Variants in PLSCR2 observed in about 807,000 individuals in gnomAD.
PLSCR2 encodes the protein phospholipid scramblase 2.
PLSCR2 carries 18 observed loss-of-function variants against 25.3 expected under a neutral mutation model. The ratio of observed to expected loss-of-function variants is 0.71; its 90% confidence interval spans 0.49 to 1.06. The LOEUF is 1.06. Ranked by LOEUF, PLSCR2 falls within the 50% of genes least tolerant of loss-of-function variation. The probability of loss-of-function intolerance (pLI) is 0.00; values close to 1 mark genes in which losing one functional copy is unlikely to be tolerated. For synonymous variants in PLSCR2, 88 were observed against 87.3 expected, an observed-to-expected ratio of 1.01 and a Z score of -0.04; for missense variants, 243 against 269.5, an observed-to-expected ratio of 0.90 and a Z score of 0.69.
chr3:146,425,632 A>G (rs2039317116), intron 2 of PLSCR2, among the ~76,000 whole-genome samples: 1 of 152,184 alleles, frequency 6.6e-6, no homozygotes, highest in African/African-American at 2.4e-5. Flanking sequence ...TAGAAAAAGT[A>G]TAGATGGCTT....
chr3:146,435,897 C>T (rs1157102190), intron 8 of PLSCR2, among the ~76,000 whole-genome samples: 26 of 152,092 alleles, frequency 1.7e-4, no homozygotes, highest in Admixed American at 3.3e-4. Flanking sequence ...AGGGTTTTTA[C>T]GGTTTTAGGT....
chr3:146,428,182 G>T (rs1252593455), intron 2 of PLSCR2, among the ~76,000 whole-genome samples: 1 of 152,182 alleles, frequency 6.6e-6, no homozygotes, highest in Non-Finnish European at 1.5e-5. Context: ...ATCTGAAAGA[G>T]AATTTATCTG....
At chr3:146,410,845 C>A (rs561360608) in intron 2 of PLSCR2, among the ~76,000 whole-genome samples, 1 of 152,168 alleles carries the variant, frequency 6.6e-6, no homozygotes, top group Non-Finnish European at 1.5e-5. Context: ...CCCACCTGGC[C>A]GCTCCCCCTG....
At chr3:146,459,712 G>A (rs913621735) in intron 2 of PLSCR2, 136 bp downstream of exon 2, 3 of 626,028 alleles carry the variant, frequency 4.8e-6, no homozygotes, top group African/African-American at 1.9e-5. Flanking sequence ...AACAGAATGT[G>A]CTGTTTACCA....
upstream of PLSCR2, among the ~76,000 whole-genome samples, chr3:146,462,125 T>C (rs1034649607): frequency 1.2e-4 from 18 of 152,100 alleles, no homozygotes; most frequent in African/African-American, 4.3e-4. Context: ...ATACAACTGT[T>C]GGAACAAGAT....
chr3:146,445,487 C>A (rs2040495627), intron 6 of PLSCR2, among the ~76,000 whole-genome samples: 1 of 152,028 alleles, frequency 6.6e-6, no homozygotes, highest in South Asian at 2.1e-4. Context: ...CCAAGCCACT[C>A]TCTTCTGACC....
chr3:146,457,587 C>T (rs190399068), intron 3 of PLSCR2, among the ~76,000 whole-genome samples: 40 of 152,274 alleles, frequency 2.6e-4, no homozygotes, highest in Non-Finnish European at 4.7e-4. Context: ...TGGGTTCATC[C>T]AAACTCCCAA....
chr3:146,475,433 A>T (rs1386754618), intron 1 of PLSCR2, among the ~76,000 whole-genome samples: 3 of 152,066 alleles, frequency 2.0e-5, no homozygotes, highest in African/African-American at 7.2e-5. Flanking sequence ...TTCAGGCCCT[A>T]TTCATCTTAC....
intron 2 of PLSCR2, among the ~76,000 whole-genome samples, chr3:146,425,742 T>C (rs1231536315): frequency 6.6e-6 from 1 of 152,118 alleles, no homozygotes; most frequent in Non-Finnish European, 1.5e-5. Context: ...TTTTAAATAA[T>C]ACATCATCAT....
At chr3:146,425,701 A>T (rs534743418) in intron 2 of PLSCR2, among the ~76,000 whole-genome samples, 7 of 152,170 alleles carry the variant, frequency 4.6e-5, no homozygotes, top group African/African-American at 1.7e-4. Flanking sequence ...ACTCAGAAGA[A>T]GTGAGGTTCA....
rs1186980145 is a variant in PLSCR2, at chr3:146,483,453, GTATA to G, written c.-293+12438_-293+12441del. 6.7e-4 allele frequency among the ~76,000 whole-genome samples: 22 copies of G among 32,686 alleles called. 1 individual carries two copies. The highest frequency in any genetic ancestry group is 2.0e-3 in the African/African-American group (14 of 7,160). 21.4% of individuals were successfully genotyped at this position (32,686 alleles called of 152,430 possible). A position where few individuals can be genotyped will look rare whatever the true frequency, so the allele number is the denominator to read the frequency against. On this transcript the variant is annotated intron_variant, in intron 1 of 8. Transcript: ENST00000336685. ...AATATATATATATATACACATGTAT[GTATA>G]TATATATATATATATACATGTGTAT...
At chr3:146,473,847 A>G (rs1380968005) in intron 1 of PLSCR2, among the ~76,000 whole-genome samples, 1 of 152,162 alleles carries the variant, frequency 6.6e-6, no homozygotes, top group Non-Finnish European at 1.5e-5. Flanking sequence ...TTCCCATGTG[A>G]CGCTCATGAT....
At chr3:146,460,440 T>C (rs1205748872) in exon 1 of PLSCR2, 1 of 97,260 alleles carries the variant, frequency 1.0e-5, no homozygotes, top group Non-Finnish European at 2.0e-5. Flanking sequence ...AGAGATGAAA[T>C]TGGAAAAAAA....
intron 1 of PLSCR2, among the ~76,000 whole-genome samples, chr3:146,479,914 A>G (rs1243637407): frequency 6.6e-6 from 1 of 152,218 alleles, no homozygotes; most frequent in Non-Finnish European, 1.5e-5. Context: ...ATCAAATTAG[A>G]ACTTAGGATT....
downstream of PLSCR2, among the ~76,000 whole-genome samples, chr3:146,432,663 T>C: frequency 6.6e-6 from 1 of 152,186 alleles, no homozygotes; most frequent in East Asian, 1.9e-4. Flanking sequence ...AATCCTTTGG[T>C]TCTTTTAAAT....
At position 146,460,010 on chromosome 3, in the gene PLSCR2, G is replaced by A. The variant is rs752804862; in HGVS notation, c.-106C>T. The A allele has an allele frequency of 4.3e-6, 7 of 1,609,390 alleles. No homozygotes were observed. The South Asian group carries it at 7.7e-5, about 18-fold the overall frequency. ...GCTGACGTCCTGGGTAGAAGGCCTG[G>A]GAGCCCAGGTGGTCAGCCTGTTTCC... On this transcript the variant is annotated 5_prime_UTR_variant, in exon 2 of 7. Transcript: ENST00000610787.
intron 1 of PLSCR2, among the ~76,000 whole-genome samples, chr3:146,495,297 C>T (rs183178682): frequency 6.6e-6 from 1 of 152,144 alleles, no homozygotes; most frequent in Non-Finnish European, 1.5e-5. Context: ...GAGATTTGTC[C>T]CAAACCTGGA....
chr3:146,392,186 T>C (rs1016826332), intron 3 of PLSCR2, among the ~76,000 whole-genome samples: 1 of 152,142 alleles, frequency 6.6e-6, no homozygotes, highest in Non-Finnish European at 1.5e-5. Flanking sequence ...GTTTGCTACA[T>C]AGAGTGTACA....
At chr3:146,438,205 A>G (rs2108203016), downstream of PLSCR2, among the ~76,000 whole-genome samples, 2 of 152,272 alleles carry the variant, frequency 1.3e-5, no homozygotes, top group South Asian at 4.1e-4. Context: ...TATGTGGTCA[A>G]TTTTGGAATA....
Sources: gnomAD v4.1 joint callset for allele counts (sites outside exome capture counted in the v4.1 genomes callset) on GRCh38, gnomAD v4.1.1 for gene constraint, MANE v1.5 for transcripts, NCBI Gene and HGNC (gene_info 2026-07-23, HGNC 2026-07-21) for gene names.